Variants in SETD2 observed in about 807,000 individuals in gnomAD.
SETD2 encodes histone-lysine N-methyltransferase SETD2.
A neutral mutation model predicts 242.1 loss-of-function variants in SETD2; 31 were observed. The ratio of observed to expected loss-of-function variants is 0.13; its 90% CI spans 0.10 to 0.17. The LOEUF is 0.17. Among genes scored for constraint, SETD2 ranks in the 10% least tolerant of loss-of-function variants. The probability of loss-of-function intolerance (pLI) is 1.00; values close to 1 mark genes in which losing one functional copy is unlikely to be tolerated. For missense variants in SETD2, 2,481 were observed against 3,046.3 expected (o/e 0.81, Z 4.37); for synonymous variants, 1,006 against 1,066.5 (o/e 0.94, Z 1.11).
At chr3:47,043,139 A>G (rs2039363335) in intron 16 of SETD2, among the ~76,000 whole-genome samples, 1 of 152,168 alleles carries the variant, frequency 6.6e-6, no homozygotes, top group Non-Finnish European at 1.5e-5. Flanking sequence ...CCTCAAAACT[A>G]TAAAATATTA....
chr3:47,100,131 CG>C (rs922216273), intron 8 of SETD2, among the ~76,000 whole-genome samples: 9 of 151,862 alleles, frequency 5.9e-5, no homozygotes, highest in African/African-American at 2.2e-4. Context: ...TTAGTAGAGA[CG>C]GGGTTTCACC....
chr3:47,122,254 G>A lies in SETD2; in HGVS notation c.2382C>T (p.Tyr794=), dbSNP rs762665011. Residue 794 remains tyrosine (Y), a synonymous_variant, in exon 3 of 21, where the codon TAC becomes TAT. Coordinates refer to ENST00000409792, the MANE Select transcript of SETD2 (RefSeq NM_014159.7). ...SCCKTKDSDI[Y]CTLNDSNPSL... ...AAGGGTTGCTATCGTTCAAAGTACA[G>A]TATATGTCTGAATCTTTGGTTTTGC... The A allele has an allele frequency of 5.6e-6, 9 of 1,614,070 alleles. No homozygotes were observed. Among genetic ancestry groups the A allele is most frequent in the Non-Finnish European group, 7.6e-6 (9 of 1,179,962 alleles).
chr3:47,077,572 C>A (rs1219133999), intron 12 of SETD2, among the ~76,000 whole-genome samples: 2 of 152,180 alleles, frequency 1.3e-5, no homozygotes, highest in African/African-American at 4.8e-5. Context: ...TGGTGAAGTA[C>A]ATTGTGTGTA....
At chr3:47,060,595 A>C (rs1437830819) in intron 14 of SETD2, among the ~76,000 whole-genome samples, 3 of 152,166 alleles carry the variant, frequency 2.0e-5, no homozygotes, top group African/African-American at 7.2e-5. Flanking sequence ...ATAAAACTGA[A>C]TCCCTCCCTT....
intron 11 of SETD2, among the ~76,000 whole-genome samples, chr3:47,085,953 T>C (rs1436373495): frequency 6.6e-6 from 1 of 152,194 alleles, no homozygotes; most frequent in Non-Finnish European, 1.5e-5. Flanking sequence ...GCTCTTGTAG[T>C]TCCCTGCTAT....
intron 13 of SETD2, among the ~76,000 whole-genome samples, chr3:47,063,939 C>T (rs959370344): frequency 2.6e-5 from 4 of 151,804 alleles, no homozygotes; most frequent in African/African-American, 4.8e-5. Flanking sequence ...GCCGAGATCG[C>T]GCCACTGCAT....
rs2106710295 is a variant in SETD2 at position 47,123,704 on chromosome 3, G to T, written c.932C>A (p.Ser311Tyr). Residue 311 changes from serine (S) to tyrosine (Y), a missense_variant, in exon 3 of 21, where the codon TCC (serine) becomes TAC (tyrosine). Around this residue, in one of 17 missense-constraint regions of SETD2, gnomAD observed 334 missense variants for 374.5 expected, o/e 0.89. Coordinates refer to ENST00000409792, the MANE Select transcript of SETD2 (RefSeq NM_014159.7). ...SCKKTGSKKK[S>Y]SQSEGIFLGS... The stretch of plus-strand genomic sequence containing the variant: ...AAGAAAGATGCCTTCAGATTGTGAG[G>T]ATTTCTTCTTAGAACCTGTTTTTTT... The T allele has an allele frequency of 6.4e-7, 1 of 1,551,398 alleles. No homozygotes were observed. The highest frequency in any genetic ancestry group is 8.7e-7 in the Non-Finnish European group (1 of 1,146,900).
chr3:47,085,403 C>G (rs916790584), intron 11 of SETD2, among the ~76,000 whole-genome samples: 1 of 152,216 alleles, frequency 6.6e-6, no homozygotes, highest in Admixed American at 6.5e-5. Context: ...ATGCAGACAT[C>G]TCTTCAGCTT....
At chr3:47,093,916 G>T (rs2041905573) in intron 9 of SETD2, among the ~76,000 whole-genome samples, 1 of 152,100 alleles carries the variant, frequency 6.6e-6, no homozygotes, top group South Asian at 2.1e-4. Context: ...AAGTTGAACA[G>T]CTTTCCACGT....
chr3:47,135,038 C>G (rs1441508156), intron 1 of SETD2, among the ~76,000 whole-genome samples: 1 of 152,170 alleles, frequency 6.6e-6, no homozygotes, highest in Non-Finnish European at 1.5e-5. Flanking sequence ...AGTGCTAGGT[C>G]TGTAAAGGCA....
At chr3:47,128,441 G>C (rs2043399317) in intron 1 of SETD2, among the ~76,000 whole-genome samples, 1 of 152,230 alleles carries the variant, frequency 6.6e-6, no homozygotes, top group Admixed American at 6.5e-5. Flanking sequence ...ATTGGACTAT[G>C]TGGCAAGACT....
intron 15 of SETD2, among the ~76,000 whole-genome samples, chr3:47,054,020 G>T (rs1053319498): frequency 6.6e-6 from 1 of 152,110 alleles, no homozygotes; most frequent in Non-Finnish European, 1.5e-5. Flanking sequence ...CACAGTAAAT[G>T]ATAAACCAGG....
chr3:47,142,630 T>TG (rs954179974), intron 1 of SETD2, among the ~76,000 whole-genome samples: 2 of 149,986 alleles, frequency 1.3e-5, no homozygotes, highest in African/African-American at 4.9e-5. Context: ...TACTTCGTGG[T>TG]GGGGGGAGGT....
chr3:47,088,661 T>C (rs1007309018), intron 9 of SETD2, among the ~76,000 whole-genome samples: 3 of 152,214 alleles, frequency 2.0e-5, no homozygotes, highest in Non-Finnish European at 4.4e-5. Flanking sequence ...CTGTGTGAGA[T>C]ATATCTCCTT....
At chr3:47,109,283 C>T (rs2042559179) in intron 5 of SETD2, among the ~76,000 whole-genome samples, 1 of 152,132 alleles carries the variant, frequency 6.6e-6, no homozygotes, top group African/African-American at 2.4e-5. Flanking sequence ...AACTATAAAA[C>T]CTAAGTGGTG....
chr3:47,120,136 CAA>C (rs752942445), intron 3 of SETD2, 44 bp downstream of exon 3: 10 of 1,409,080 alleles, frequency 7.1e-6, no homozygotes, highest in African/African-American at 5.8e-5. Flanking sequence ...TTTCTAACAA[CAA>C]AAAAAGAGTT....
intron 16 of SETD2, among the ~76,000 whole-genome samples, chr3:47,043,192 GGAC>G (rs1213449947): frequency 6.6e-6 from 1 of 152,024 alleles, no homozygotes; most frequent in East Asian, 1.9e-4. Context: ...AATCACTTAT[GGAC>G]TGATTTTTGT....
chr3:47,105,624 A>T, intron 6 of SETD2: 1 of 431,190 alleles, frequency 2.3e-6, no homozygotes, highest in Non-Finnish European at 4.6e-6. Flanking sequence ...TTGTCGCTTA[A>T]TATATTTTAG....
At chr3:47,037,203 A>G (rs559278334) in intron 18 of SETD2, among the ~76,000 whole-genome samples, 1 of 150,956 alleles carries the variant, frequency 6.6e-6, no homozygotes, top group East Asian at 2.0e-4. Flanking sequence ...ATATGTATAC[A>G]TGTGCCATGT....
Sources: gnomAD v4.1 joint callset for allele counts (sites outside exome capture counted in the v4.1 genomes callset) on GRCh38, gnomAD v4.1.1 for gene constraint, gnomAD v4.1.1 regional missense constraint, MANE v1.5 for transcripts, NCBI Gene and HGNC (gene_info 2026-07-23, HGNC 2026-07-21) for gene names.